The following NRG3 variants were observed in gnomAD, a reference collection of about 807,000 sequenced individuals.
The protein encoded by NRG3 is pro-neuregulin-3, membrane-bound isoform.
Under a neutral mutation model 66.9 loss-of-function variants are expected in NRG3, and 31 were observed. That is an observed-to-expected ratio of 0.46 (90% CI 0.35 to 0.63). NRG3 has a LOEUF of 0.63. NRG3 is among the 20% of genes least tolerant of loss of function. The pLI, the probability that NRG3 is intolerant of heterozygous loss-of-function variation, is 0.00. For missense variants in NRG3, 910 were observed against 878.9 expected (o/e 1.04, Z -0.45); for synonymous variants, 393 against 359.4 (o/e 1.09, Z -1.06).
chr10:82,845,447 C>A (rs2063264646), intron 3 of NRG3, among the ~76,000 whole-genome samples: 1 of 150,944 alleles, frequency 6.6e-6, no homozygotes, highest in Admixed American at 6.6e-5. Context: ...TGGTGATCTA[C>A]AAAATAAGTT....
chr10:82,163,014 A>G (rs557805669), intron 1 of NRG3, among the ~76,000 whole-genome samples: 1 of 152,158 alleles, frequency 6.6e-6, no homozygotes, highest in Admixed American at 6.6e-5. Flanking sequence ...TTTCAGTTAA[A>G]TTCTTACTGT....
chr10:81,933,076 C>T (rs559471562), intron 1 of NRG3, among the ~76,000 whole-genome samples: 1 of 148,856 alleles, frequency 6.7e-6, no homozygotes, highest in East Asian at 2.0e-4. Flanking sequence ...CCACTGCACT[C>T]CAGCCTGGGC....
chr10:82,379,885 G>C (rs1452361867), intron 2 of NRG3, among the ~76,000 whole-genome samples: 2 of 127,486 alleles, frequency 1.6e-5, no homozygotes, highest in Non-Finnish European at 1.6e-5. Flanking sequence ...AAGAAAGGTA[G>C]GCAGATTCAA....
At chr10:82,258,459 T>G (rs916952490) in intron 1 of NRG3, among the ~76,000 whole-genome samples, 5 of 152,220 alleles carry the variant, frequency 3.3e-5, no homozygotes, top group African/African-American at 9.6e-5. Flanking sequence ...ATGAAAAATA[T>G]GAATTCACAA....
At chr10:82,326,113 A>G (rs1398807747) in intron 1 of NRG3, among the ~76,000 whole-genome samples, 1 of 152,130 alleles carries the variant, frequency 6.6e-6, no homozygotes, top group Non-Finnish European at 1.5e-5. Context: ...AGCCCTATAA[A>G]TGGCTTTATT....
chr10:82,684,982 G>GCAGGGAA (rs2054399865), intron 2 of NRG3, among the ~76,000 whole-genome samples: 2 of 152,130 alleles, frequency 1.3e-5, no homozygotes, highest in South Asian at 2.1e-4. Flanking sequence ...GAAAAATCTT[G>GCAGGGAA]ATAGCAATGG....
intron 1 of NRG3, among the ~76,000 whole-genome samples, chr10:81,881,750 C>T (rs953114666): frequency 1.3e-5 from 2 of 152,028 alleles, no homozygotes; most frequent in East Asian, 1.9e-4. Context: ...GATGTTAGGG[C>T]GAAGGCTTTT....
At chr10:82,575,951 G>A (rs1165341120) in intron 2 of NRG3, among the ~76,000 whole-genome samples, 1 of 151,676 alleles carries the variant, frequency 6.6e-6, no homozygotes, top group Non-Finnish European at 1.5e-5. Context: ...CTTCTACTAA[G>A]TAAGGAGGAT....
chr10:82,604,182 G>C lies in NRG3; in HGVS notation c.954-134395G>C, dbSNP rs555882017. Among the ~76,000 whole-genome samples the C allele has an allele frequency of 3.9e-5, 6 of 152,144 alleles. No homozygotes were observed. In the South Asian group the frequency reaches 8.3e-4, roughly 21 times the overall value. ...TTTTACTGCCTCCAAAATCCCTTTT[G>C]TTCCACCTATTCATCCCTCTCTCCT... is the stretch of plus-strand genomic sequence containing the variant. On this transcript the variant is annotated intron_variant, in intron 2 of 8. Coordinates refer to ENST00000372141, the MANE Select transcript of NRG3 (RefSeq NM_001010848.4).
At chr10:82,438,723 T>C (rs2090278894) in intron 2 of NRG3, among the ~76,000 whole-genome samples, 1 of 152,110 alleles carries the variant, frequency 6.6e-6, no homozygotes, top group African/African-American at 2.4e-5. Flanking sequence ...AAAAAGCAGA[T>C]TGCCCGGCTG....
intron 2 of NRG3, among the ~76,000 whole-genome samples, chr10:82,503,943 A>G (rs1483754286): frequency 2.0e-5 from 3 of 152,188 alleles, no homozygotes; most frequent in Non-Finnish European, 4.4e-5. Context: ...AGCTGTGTAT[A>G]AGGTAATCTT....
intron 1 of NRG3, among the ~76,000 whole-genome samples, chr10:82,178,373 A>G (rs1311501813): frequency 2.0e-5 from 3 of 152,270 alleles, no homozygotes; most frequent in South Asian, 2.1e-4. Context: ...TTGAAAAGCA[A>G]CTGCTCGGTT....
chr10:82,888,522 TGTAAGTAGATA>T (rs1421020983), intron 4 of NRG3, among the ~76,000 whole-genome samples: 30 of 152,196 alleles, frequency 2.0e-4, no homozygotes, highest in Non-Finnish European at 1.6e-4. Flanking sequence ...AATCTTGGAG[TGTAAGTAGATA>T]GCATGATACA....
At chr10:82,098,644 A>G (rs1210535157) in intron 1 of NRG3, among the ~76,000 whole-genome samples, 1 of 151,950 alleles carries the variant, frequency 6.6e-6, no homozygotes, top group Non-Finnish European at 1.5e-5. Context: ...TTCAATGAGA[A>G]TTTTCTCCCA....
chr10:82,549,403 G>A (rs533052648), intron 2 of NRG3, among the ~76,000 whole-genome samples: 95 of 152,262 alleles, frequency 6.2e-4, no homozygotes, highest in African/African-American at 2.2e-3. Flanking sequence ...GGTGAGACAC[G>A]AAATGGTTTC....
chr10:82,890,137 T>G (rs1423827252), intron 4 of NRG3, among the ~76,000 whole-genome samples: 5 of 152,074 alleles, frequency 3.3e-5, no homozygotes, highest in Admixed American at 6.5e-5. Flanking sequence ...GTTTTTTTTT[T>G]TTTTTTTTAA....
At chr10:82,756,004 T>G (rs2059062734) in intron 3 of NRG3, among the ~76,000 whole-genome samples, 1 of 152,120 alleles carries the variant, frequency 6.6e-6, no homozygotes, top group African/African-American at 2.4e-5. Flanking sequence ...ATCTTCCTGA[T>G]TTACAGTCTC....
intron 1 of NRG3, among the ~76,000 whole-genome samples, chr10:81,890,051 A>C (rs1253631978): frequency 6.6e-6 from 1 of 152,214 alleles, no homozygotes; most frequent in Non-Finnish European, 1.5e-5. Flanking sequence ...TAAAAGTCTA[A>C]GGAGCTCTAT....
At chr10:82,959,101 TCCTATAGCCTA>T (rs1257694193) in intron 6 of NRG3, 26 bp downstream of exon 6, 2 of 1,554,546 alleles carry the variant, frequency 1.3e-6, no homozygotes, top group East Asian at 4.6e-5. Context: ...ACACACCTCC[TCCTATAGCCTA>T]CCTCAGTGCT....
Sources: gnomAD v4.1 joint callset for allele counts (sites outside exome capture counted in the v4.1 genomes callset) on GRCh38, gnomAD v4.1.1 for gene constraint, MANE v1.5 for transcripts, NCBI Gene and HGNC (gene_info 2026-07-23, HGNC 2026-07-21) for gene names.